Variants in MYO15A observed in about 807,000 individuals in gnomAD.
MYO15A encodes unconventional myosin-XV.
MYO15A carries 308 observed loss-of-function variants against 394.6 expected under a neutral mutation model. The ratio of observed to expected loss-of-function variants is 0.78; its 90% CI spans 0.71 to 0.86. The LOEUF (loss-of-function observed/expected upper bound fraction) is 0.86, where lower values mean the gene tolerates loss of function less well. MYO15A is among the 40% of genes least tolerant of loss of function. The pLI, the probability that MYO15A is intolerant of heterozygous loss-of-function variation, is 0.00. For synonymous variants in MYO15A, 1,957 were observed against 2,003.8 expected, an observed-to-expected ratio of 0.98 and a Z score of 0.62; for missense variants, 4,606 against 4,799.1, an observed-to-expected ratio of 0.96 and a Z score of 1.19.
Position 18,121,563 on chromosome 17 carries a change from T to C in MYO15A, c.2763T>C (p.Thr921=), listed in dbSNP as rs1426264346. The C allele has an allele frequency of 6.3e-7, 1 of 1,589,982 alleles. No homozygotes were observed. Among genetic ancestry groups the C allele is most frequent in the Non-Finnish European group, 8.6e-7 (1 of 1,168,756 alleles). Reference sequence around the variant, plus strand: ...CCGAGGACTCAGAGACGCCCTGGACTGTGCCCCCACTGGCCCCCAGCTGGG... The same window carrying C: ...CCGAGGACTCAGAGACGCCCTGGACCGTGCCCCCACTGGCCCCCAGCTGGG... ...REPEDSETPW[T]VPPLAPSWDV... The change falls in exon 2 of 66, where the codon ACT becomes ACC. Residue 921 remains threonine (T), a synonymous_variant. Transcript: ENST00000647165. This position sits in a 1 kb window ranked among gnomAD's most constrained non-coding sequence, Gnocchi z 5.3.
chr17:18,150,893 C>A lies in MYO15A; in HGVS notation c.7453C>A (p.Leu2485Met). The A allele has an allele frequency of 6.2e-7, 1 of 1,600,416 alleles. No homozygotes were observed. Among genetic ancestry groups the A allele is most frequent in the East Asian group, 2.3e-5 (1 of 44,206 alleles). ...ALQQQPLSAA[L>M]RSLPAEKPPA... ...CCAGCAGCAGCCCCTGAGTGCTGCC[C>A]TGAGATCCTTGCCCGCAGAGGTGAG... is the stretch of plus-strand genomic sequence containing the variant. Residue 2485 changes from leucine (L) to methionine (M), a missense_variant, in exon 38 of 66, where the codon CTG becomes ATG. Around this residue, in one of 2 missense-constraint regions of MYO15A, gnomAD observed 2,776 missense variants for 3,109.3 expected, o/e 0.89. Coordinates refer to ENST00000647165, the MANE Select transcript of MYO15A (RefSeq NM_016239.4). This position sits in a 1 kb window ranked among gnomAD's most constrained non-coding sequence, Gnocchi z 4.4.
At position 18,141,070 on chromosome 17, in the gene MYO15A, G is replaced by A. The variant is rs778835577; in HGVS notation, c.5458G>A (p.Gly1820Arg). Residue 1820 changes from glycine (G) to arginine (R), a missense_variant, in exon 22 of 66, where the codon GGG (glycine) becomes AGG (arginine). Transcript: ENST00000647165. ...DVVMAQLRYS[G>R]VLETVRIRKE... is the part of the protein sequence containing the mutation. ...GGTAATGGCACAATTACGCTATTCA[G>A]GGGTGCTGGAGACCGTGAGGATCCG... 5.0e-6 allele frequency: 8 copies of A among 1,614,054 alleles called. No individual in the cohort carries two copies. Among genetic ancestry groups the A allele is most frequent in the Non-Finnish European group, 6.8e-6 (8 of 1,180,030 alleles).
Position 18,138,924 on chromosome 17 carries a change from G to A in MYO15A, c.5121G>A (p.Lys1707=), listed in dbSNP as rs779836184. The A allele has an allele frequency of 5.6e-6, 9 of 1,612,566 alleles. No homozygotes were observed. In the East Asian group the frequency reaches 2.0e-4, roughly 36 times the overall value. Residue 1707 remains lysine (K), a synonymous_variant, in exon 18 of 66, where the codon AAG becomes AAA. Coordinates refer to ENST00000647165, the MANE Select transcript of MYO15A (RefSeq NM_016239.4). Reference sequence around the variant, plus strand: ...TCACCATCAAGCACTATGCAGGCAAGGTCACCTACCAGGTGAGCCCTAAGA... The same window carrying A: ...TCACCATCAAGCACTATGCAGGCAAAGTCACCTACCAGGTGAGCCCTAAGA... The part of the protein sequence containing the change: ...PEFTIKHYAG[K]VTYQVHKFLD...
At chr17:18,149,180 T>G in intron 33 of MYO15A, 36 bp from the exon 34 acceptor site, 1 of 1,612,940 alleles carries the variant, frequency 6.2e-7, no homozygotes, top group Non-Finnish European at 8.5e-7. Flanking sequence ...GGGATCTCTC[T>G]GGGGGTCAGT....
chr17:18,156,162 G>T, intron 47 of MYO15A, 33 bp from the exon 48 acceptor site: 1 of 1,613,700 alleles, frequency 6.2e-7, no homozygotes, highest in Non-Finnish European at 8.5e-7. Flanking sequence ...CATCCCTCTG[G>T]CAGGGGAGTC....
intron 60 of MYO15A, 115 bp from the exon 61 acceptor site, chr17:18,166,246 C>A: frequency 7.1e-7 from 1 of 1,403,636 alleles, no homozygotes; most frequent in Non-Finnish European, 9.8e-7. Context: ...GTGGCTTGTC[C>A]GAGGTGATAC....
At chr17:18,123,060 T>C (rs1202637492) in intron 2 of MYO15A, 1 of 152,424 alleles carries the variant, frequency 6.6e-6, no homozygotes, top group Non-Finnish European at 1.5e-5. Flanking sequence ...GCCCAGCCCA[T>C]GCCTGGCTGC....
At position 18,139,597 on chromosome 17, in the gene MYO15A, C is replaced by G. The variant is rs369755064; in HGVS notation, c.5197C>G (p.Arg1733Gly). ...CCAGGATGTGCTGGACCTGTTCGTA[C>G]GGAGCCGGACACGGGTAAGCCTCGC... ...VRQDVLDLFVRSRTRVVAHLF... is the reference protein window; with the variant it reads ...VRQDVLDLFVGSRTRVVAHLF... Residue 1733 changes from arginine to glycine, a missense_variant, in exon 19 of 66, where the codon CGG becomes GGG. By Grantham distance (125) the Arg-to-Gly change is moderately radical. Coordinates refer to ENST00000647165, the MANE Select transcript of MYO15A (RefSeq NM_016239.4). 6 of 1,614,008 alleles carry G rather than the reference C, an allele frequency of 3.7e-6. No homozygotes were observed. The highest frequency in any genetic ancestry group is 5.1e-6 in the Non-Finnish European group (6 of 1,179,996).
Position 18,146,097 on chromosome 17 carries a change from T to C in MYO15A, c.6499T>C (p.Tyr2167His), listed in dbSNP as rs768495139. The part of the protein sequence containing the change: ...GFAPSPCFNK[Y>H]LLKFVSDYGR... The stretch of plus-strand genomic sequence containing the variant: ...TGCACCTTCCCCGTGCTTCAACAAG[T>C]ACCTTCTCAAGTGAGTGGGACTGGA... Residue 2167 changes from tyrosine to histidine, a missense_variant, in exon 30 of 66, where the codon TAC becomes CAC. Transcript: ENST00000647165. The C allele has an allele frequency of 9.9e-6, 16 of 1,613,766 alleles. No homozygotes were observed. The highest frequency in any genetic ancestry group is 3.3e-4 in the Middle Eastern group (2 of 6,062).
intron 65 of MYO15A, 86 bp downstream of exon 65, chr17:18,174,007 C>T: frequency 6.6e-7 from 1 of 1,519,830 alleles, no homozygotes; most frequent in Non-Finnish European, 8.9e-7. Context: ...CTGCCATGCC[C>T]CAGGGAGTAT....
intron 21 of MYO15A, 33 bp downstream of exon 21, chr17:18,140,865 A>C (rs1269065799): frequency 1.2e-6 from 2 of 1,613,746 alleles, no homozygotes; most frequent in Non-Finnish European, 1.7e-6. Context: ...GAGAGAGCCA[A>C]ATCCTCCTGC....
chr17:18,133,247 G>C lies in MYO15A; in HGVS notation c.4343G>C (p.Gly1448Ala). The part of the protein sequence containing the change: ...LNQGGNCEIA[G>A]KSDADDFRRL... ...CAGGGTGGGAACTGTGAGATAGCAG[G>C]AAAGAGCGATGCAGATGACTTTCGC... is the stretch of plus-strand genomic sequence containing the variant. Residue 1448 changes from glycine to alanine, a missense_variant, in exon 12 of 66, where the codon GGA becomes GCA. Transcript: ENST00000647165. 6.2e-7 allele frequency: 1 copy of C among 1,614,164 alleles called. No individual in the cohort carries two copies. Among genetic ancestry groups the C allele is most frequent in the Non-Finnish European group, 8.5e-7 (1 of 1,180,020 alleles).
rs1441701008 is a variant in MYO15A, at chr17:18,117,649, C to A, written c.-219-933C>A. Among the ~76,000 whole-genome samples the A allele has an allele frequency of 2.0e-5, 3 of 152,208 alleles. No homozygotes were observed. The highest frequency in any genetic ancestry group is 7.2e-5 in the African/African-American group (3 of 41,452). ...CTGCCCAGTTTTTCCCACCCCCTAC[C>A]TCTTTTAGTGCAGGTTCTCAAAAGT... is the stretch of plus-strand genomic sequence containing the variant. On this transcript the variant is annotated intron_variant, in intron 1 of 65. Transcript: ENST00000647165. The surrounding 1 kb of genome is among the most constrained non-coding windows in gnomAD (Gnocchi z 4.1).
chr17:18,121,924 A>G lies in MYO15A; in HGVS notation c.3124A>G (p.Lys1042Glu), dbSNP rs1386492424. ...PAPPKDVTPP[K>E]DITPPKDVLP... is the part of the protein sequence containing the mutation. The stretch of plus-strand genomic sequence containing the variant: ...ACCTCCCAAGGATGTCACTCCCCCC[A>G]AGGATATCACTCCCCCCAAGGATGT... The change falls in exon 2 of 66, where the codon AAG becomes GAG. Residue 1042 changes from lysine (K) to glutamate (E), a missense_variant. Lys to Glu is a moderately conservative substitution (Grantham distance 56). This residue lies in a region of MYO15A where 1,830 missense variants were observed against 1,689.7 expected (regional missense o/e 1.08). Transcript: ENST00000647165. This position sits in a 1 kb window ranked among gnomAD's most constrained non-coding sequence, Gnocchi z 5.3. 1 of 1,612,864 alleles carries G rather than the reference A, an allele frequency of 6.2e-7. No homozygotes were observed. Among genetic ancestry groups the G allele is most frequent in the Admixed American group, 1.7e-5 (1 of 60,014 alleles).
intron 30 of MYO15A, among the ~76,000 whole-genome samples, chr17:18,146,484 C>T (rs2046483269): frequency 6.6e-6 from 1 of 152,212 alleles, no homozygotes; most frequent in South Asian, 2.1e-4. Flanking sequence ...CATATATGAG[C>T]TGTGTGACCT....
intron 4 of MYO15A, 60 bp from the exon 5 acceptor site, chr17:18,126,287 A>G: frequency 1.5e-6 from 2 of 1,336,204 alleles, no homozygotes; most frequent in Non-Finnish European, 2.2e-6. Flanking sequence ...AGCATAGGGG[A>G]GGGAGGGACA....
At chr17:18,175,000 T>C (rs1003177275) in intron 65 of MYO15A, among the ~76,000 whole-genome samples, 1 of 151,674 alleles carries the variant, frequency 6.6e-6, no homozygotes, top group Non-Finnish European at 1.5e-5. Flanking sequence ...CCCAATCTGC[T>C]CCTGCCTGGA....
chr17:18,174,458 C>T (rs1476670339), intron 65 of MYO15A, among the ~76,000 whole-genome samples: 2 of 150,780 alleles, frequency 1.3e-5, no homozygotes, highest in Admixed American at 6.6e-5. Context: ...CTAGTCTCTG[C>T]AAAAATAAAA....
At chr17:18,155,655 C>T (rs1162148938) in intron 47 of MYO15A, among the ~76,000 whole-genome samples, 1 of 152,212 alleles carries the variant, frequency 6.6e-6, no homozygotes, top group Non-Finnish European at 1.5e-5. Flanking sequence ...TAGGCACCCA[C>T]TCCCCTGCCC....
Sources: allele counts gnomAD v4.1 joint callset (sites outside exome capture counted in the v4.1 genomes callset), GRCh38; gene constraint gnomAD v4.1.1; regional missense constraint gnomAD v4.1.1; non-coding constraint Gnocchi (gnomAD v3.1); transcripts MANE v1.5; gene names NCBI Gene and HGNC (gene_info 2026-07-23, HGNC 2026-07-21).